ASCC2: variants seen among roughly 807,000 people sequenced by gnomAD.
ASCC2 encodes the protein activating signal cointegrator 1 complex subunit 2, also known as ASC-1 complex subunit P100.
Under a neutral mutation model 93.5 loss-of-function variants are expected in ASCC2, and 42 were observed. The observed-to-expected ratio is 0.45, with a 90% confidence interval of 0.35 to 0.58. The LOEUF (loss-of-function observed/expected upper bound fraction) is 0.58, where lower values mean the gene tolerates loss of function less well. Among genes scored for constraint, ASCC2 ranks in the 20% least tolerant of loss-of-function variants. ASCC2 has a pLI of 0.00. For missense variants in ASCC2, 859 were observed against 977.6 expected, an observed-to-expected ratio of 0.88 and a Z score of 1.62; for synonymous variants, 364 against 384.2, an observed-to-expected ratio of 0.95 and a Z score of 0.62.
intron 5 of ASCC2, among the ~76,000 whole-genome samples, chr22:29,818,005 T>C (rs1569409806): frequency 6.6e-6 from 1 of 151,756 alleles, no homozygotes; most frequent in African/African-American, 2.4e-5. Flanking sequence ...AAAATTATAC[T>C]TGTTGATGCA....
chr22:29,813,130 C>G (rs2060466972), intron 8 of ASCC2, among the ~76,000 whole-genome samples: 1 of 152,154 alleles, frequency 6.6e-6, no homozygotes, highest in African/African-American at 2.4e-5. Context: ...ATCCACCCGC[C>G]TCGGCCTCCC....
At chr22:29,822,791 G>A (rs2061743302) in intron 4 of ASCC2, among the ~76,000 whole-genome samples, 1 of 136,846 alleles carries the variant, frequency 7.3e-6, no homozygotes, top group Non-Finnish European at 1.5e-5. Flanking sequence ...TGTAATCTCT[G>A]CTCACTGCAA....
chr22:29,821,929 T>C (rs1280419622), intron 5 of ASCC2: 1 of 451,742 alleles, frequency 2.2e-6, no homozygotes, highest in Non-Finnish European at 4.4e-6. Context: ...ACTCCAGGAA[T>C]GTGAAGCTGC....
At position 29,805,854 on chromosome 22, in the gene ASCC2, G is replaced by A. The variant is rs141001456; in HGVS notation, c.1160+362C>T. ...CACCCAGAGCTCTGCTGGGTGAGGC[G>A]CCACCTCTGGTTTCCTGCCCTCTGA... is the stretch of plus-strand genomic sequence containing the variant. On this transcript the variant is annotated intron_variant, in intron 12 of 19. Transcript: ENST00000307790. 3.3e-3 allele frequency among the ~76,000 whole-genome samples: 505 copies of A among 151,654 alleles called. 3 individuals are homozygous for A. The highest frequency in any genetic ancestry group is 0.012 in the African/African-American group (486 of 41,296).
Position 29,834,324 on chromosome 22 carries a change from AGG to A in ASCC2, c.-17-1984_-17-1983del, listed in dbSNP as rs200137066. Reference sequence around the variant, plus strand: ...GTAGTCTTGATAATAGAGACTGGCCAGGGAAGAAGGGTGCCCCAGGCAGAGGA... The same window carrying A: ...GTAGTCTTGATAATAGAGACTGGCCAGAAGAAGGGTGCCCCAGGCAGAGGA... On this transcript the variant is annotated intron_variant, in intron 1 of 19. Transcript: ENST00000307790. The A allele has an allele frequency of 7.8e-3, 2,807 of 358,952 alleles. 74 individuals carry two copies. Among genetic ancestry groups the A allele is most frequent in the African/African-American group, 0.057 (2,648 of 46,514 alleles). The allele number at this position is 358,952 out of a possible 1,614,324, so 22.2% of individuals were successfully genotyped here.
intron 8 of ASCC2, among the ~76,000 whole-genome samples, chr22:29,812,008 C>T (rs1386258980): frequency 6.6e-6 from 1 of 152,194 alleles, no homozygotes; most frequent in African/African-American, 2.4e-5. Flanking sequence ...CAGCTACATA[C>T]CCCTCTCTTC....
chr22:29,799,483 G>C (rs989876671), intron 15 of ASCC2, among the ~76,000 whole-genome samples: 4 of 152,192 alleles, frequency 2.6e-5, no homozygotes, highest in African/African-American at 7.2e-5. Context: ...ACAGCCCTAG[G>C]GAGGGGTAAC....
intron 9 of ASCC2, among the ~76,000 whole-genome samples, chr22:29,807,263 G>GAAAAGA (rs1005837134): frequency 6.8e-6 from 1 of 146,252 alleles, no homozygotes; most frequent in Admixed American, 6.8e-5. Context: ...AAAAAAAAGG[G>GAAAAGA]AAAAGAAAAA....
At chr22:29,829,480 T>C (rs551456957) in intron 2 of ASCC2, among the ~76,000 whole-genome samples, 264 of 152,126 alleles carry the variant, frequency 1.7e-3, no homozygotes, top group African/African-American at 5.9e-3. Flanking sequence ...CCCAGTGCTT[T>C]AGGAGGCCAA....
chr22:29,797,737 A>G (rs1051993100), intron 15 of ASCC2, among the ~76,000 whole-genome samples: 2 of 152,238 alleles, frequency 1.3e-5, no homozygotes, highest in African/African-American at 2.4e-5. Context: ...AAGGCAGACC[A>G]AGGGCACAGA....
At chr22:29,790,387 G>T in intron 19 of ASCC2, 82 bp downstream of exon 19, 2 of 1,406,878 alleles carry the variant, frequency 1.4e-6, no homozygotes, top group Non-Finnish European at 2.0e-6. Context: ...TAGGGTGTAC[G>T]TGTGGGTTTC....
Position 29,838,198 on chromosome 22 carries a change from C to T in ASCC2, c.-38G>A, listed in dbSNP as rs1437343132. 3 of 425,212 alleles carry T rather than the reference C, an allele frequency of 7.1e-6. No homozygotes were observed. The highest frequency in any genetic ancestry group is 9.3e-6 in the Non-Finnish European group (2 of 215,236). 26.3% of individuals were successfully genotyped at this position (425,212 alleles called of 1,614,324 possible). Reference sequence around the variant, plus strand: ...CTCACCTCGGCGGCTCCACCACCGGCTCTGTGCCGCCGCCGCCGCCGCCGC... The same window carrying T: ...CTCACCTCGGCGGCTCCACCACCGGTTCTGTGCCGCCGCCGCCGCCGCCGC... On this transcript the variant is annotated 5_prime_UTR_variant, in exon 1 of 20. Transcript: ENST00000307790.
At position 29,790,599 on chromosome 22, in the gene ASCC2, C is replaced by T. The variant is rs368014530; in HGVS notation, c.2023-51G>A. ...CTGGAGTCAGGAGCTGCCACATTTTCCTAAGCGGCGATGAGGCCCTGCTCA... is the reference window on the plus strand; with the variant it reads ...CTGGAGTCAGGAGCTGCCACATTTTTCTAAGCGGCGATGAGGCCCTGCTCA... On this transcript the variant is annotated intron_variant, in intron 18 of 19. Coordinates refer to ENST00000307790, the MANE Select transcript of ASCC2 (RefSeq NM_032204.5). 1.0e-5 allele frequency: 16 copies of T among 1,579,964 alleles called. No individual in the cohort carries two copies. The African/African-American group carries it at 2.0e-4, about 20-fold the overall frequency.
Position 29,806,560 on chromosome 22 carries a change from C to T in ASCC2, c.1017-7G>A. ...GCCCTGAATGTTGTCACAGCTAGAA[C>T]AAGACACCAGGGAAGATGAGCTCAT... On this transcript the variant is annotated splice_polypyrimidine_tract_variant and splice_region_variant and intron_variant, in intron 10 of 19. Transcript: ENST00000307790. 6.2e-7 allele frequency: 1 copy of T among 1,612,440 alleles called. No individual in the cohort carries two copies. The highest frequency in any genetic ancestry group is 8.5e-7 in the Non-Finnish European group (1 of 1,178,882).
intron 6 of ASCC2, among the ~76,000 whole-genome samples, chr22:29,815,571 T>A (rs1480962095): frequency 6.6e-6 from 1 of 152,144 alleles, no homozygotes; most frequent in African/African-American, 2.4e-5. Flanking sequence ...AGTAGATATC[T>A]CTTGGTGGTG....
intron 4 of ASCC2, 141 bp from the exon 5 acceptor site, chr22:29,822,605 G>T: frequency 1.1e-6 from 1 of 887,400 alleles, no homozygotes; most frequent in South Asian, 2.0e-5. Context: ...TGGAGCAATG[G>T]CCATTCTCCC....
At chr22:29,813,376 A>G in intron 8 of ASCC2, 54 bp downstream of exon 8, 1 of 1,235,792 alleles carries the variant, frequency 8.1e-7, no homozygotes, top group Non-Finnish European at 1.2e-6. Flanking sequence ...AATATTTGTT[A>G]AATTAGTACA....
intron 15 of ASCC2, among the ~76,000 whole-genome samples, chr22:29,798,465 G>A (rs968248500): frequency 6.6e-6 from 1 of 152,118 alleles, no homozygotes; most frequent in African/African-American, 2.4e-5. Context: ...AGCCTCAAAG[G>A]AAGTAGCCTG....
At chr22:29,810,026 A>C (rs2060110331) in intron 8 of ASCC2, 1 of 152,244 alleles carries the variant, frequency 6.6e-6, no homozygotes, top group South Asian at 2.1e-4. Context: ...TCTCCATCCC[A>C]GCCGCACAAC....
Sources: allele counts gnomAD v4.1 joint callset (sites outside exome capture counted in the v4.1 genomes callset), GRCh38; gene constraint gnomAD v4.1.1; transcripts MANE v1.5; gene names NCBI Gene and HGNC (gene_info 2026-07-23, HGNC 2026-07-21).